The following KCNH3 variants were observed in gnomAD, a reference collection of about 807,000 sequenced individuals.
KCNH3 encodes potassium voltage-gated channel subfamily H member 3.
In KCNH3, 36 loss-of-function variants were observed where a neutral mutation model predicts 95.6. The ratio of observed to expected loss-of-function variants is 0.38; its 90% CI spans 0.29 to 0.50. The LOEUF (loss-of-function observed/expected upper bound fraction) is 0.50, where lower values mean the gene tolerates loss of function less well. Among genes scored for constraint, KCNH3 ranks in the 20% least tolerant of loss-of-function variants. The pLI is 0.95. For missense variants in KCNH3, 1,030 were observed against 1,484.1 expected (o/e 0.69, Z 5.03); for synonymous variants, 620 against 646.3 (o/e 0.96, Z 0.62).
chr12:49,542,985 A>T (rs1937927212), intron 4 of KCNH3, 146 bp downstream of exon 4: 1 of 1,134,904 alleles, frequency 8.8e-7, no homozygotes, highest in African/African-American at 1.6e-5. Context: ...AGGAGGGAAG[A>T]TCACATGCCT....
In KCNH3 at chr12:49,555,872, C is replaced by T. The variant is rs1565782697; in HGVS notation, c.2389C>T (p.Pro797Ser). 2 of 1,609,308 alleles carry T rather than the reference C, an allele frequency of 1.2e-6. No homozygotes were observed. Among genetic ancestry groups the T allele is most frequent in the Non-Finnish European group, 1.7e-6 (2 of 1,177,706 alleles). Residue 797 changes from proline (P) to serine (S), a missense_variant, in exon 12 of 15, where the codon CCC becomes TCC. Around this residue, in one of 9 missense-constraint regions of KCNH3, gnomAD observed 464 missense variants for 493.2 expected, o/e 0.94. Transcript: ENST00000257981. The stretch of plus-strand genomic sequence containing the variant: ...AGGGGCTTTGAAGGCTGAGGCTGGC[C>T]CCTCTGCTCCCCCACGGGCCCTAGA... Reference protein sequence around the residue: ...RAGALKAEAGPSAPPRALEGL... With the variant: ...RAGALKAEAGSSAPPRALEGL...
At chr12:49,549,281 G>A in intron 8 of KCNH3, 108 bp downstream of exon 8, 1 of 1,468,862 alleles carries the variant, frequency 6.8e-7, no homozygotes, top group Non-Finnish European at 9.1e-7. Flanking sequence ...TTCCGCTTTA[G>A]GTGGCCGCGG....
At chr12:49,543,242 CCT>C (rs1937935733) in intron 4 of KCNH3, 31 bp from the exon 5 acceptor site, 3 of 1,603,890 alleles carry the variant, frequency 1.9e-6, no homozygotes, top group Non-Finnish European at 1.7e-6. Context: ...AATATTCTTT[CCT>C]CTCTGCCTGG....
chr12:49,541,024 T>G lies in KCNH3; in HGVS notation c.202T>G (p.Ser68Ala), dbSNP rs1430155476. 2 of 1,614,004 alleles carry G rather than the reference T, an allele frequency of 1.2e-6. No individual in the cohort carries two copies. The highest frequency in any genetic ancestry group is 1.7e-6 in the Non-Finnish European group (2 of 1,180,032). ...GGTCATGCAGCGGGGCTGTGCCTGC[T>G]CCTTCCTTTATGGGCCAGACACCAG... ...AEVMQRGCAC[S>A]FLYGPDTSEL... Residue 68 changes from serine to alanine, a missense_variant, in exon 2 of 15, where the codon TCC (serine) becomes GCC (alanine). Physicochemically the swap from Ser to Ala is moderately conservative, Grantham distance 99 (BLOSUM62 1). Coordinates refer to ENST00000257981, the MANE Select transcript of KCNH3 (RefSeq NM_012284.3).
rs769397375 is a variant in KCNH3, at chr12:49,539,379, C to T, written c.-38C>T. 1.2e-5 allele frequency: 17 copies of T among 1,460,566 alleles called. No homozygotes were observed. The highest frequency in any genetic ancestry group is 7.9e-5 in the Admixed American group (3 of 38,032). 90.5% of individuals were successfully genotyped at this position (1,460,566 alleles called of 1,614,324 possible). A position where few individuals can be genotyped will look rare whatever the true frequency, so the allele number is the denominator to read the frequency against. ...CCTCCCCCGGCGCGGAGTCCCCGCA[C>T]CCCGGAGGGATGGGGCGGGCAGCCG... On this transcript the variant is annotated 5_prime_UTR_variant, in exon 1 of 15. Coordinates refer to ENST00000257981, the MANE Select transcript of KCNH3 (RefSeq NM_012284.3). This position sits in a 1 kb window ranked among gnomAD's most constrained non-coding sequence, Gnocchi z 6.7.
At chr12:49,540,868 C>G in intron 1 of KCNH3, 31 bp from the exon 2 acceptor site, 1 of 1,584,214 alleles carries the variant, frequency 6.3e-7, no homozygotes, top group South Asian at 1.1e-5. Flanking sequence ...CCCTTCACCC[C>G]ACGCCTCCTC....
Position 49,542,845 on chromosome 12 carries a change from C to T in KCNH3, c.579+6C>T, listed in dbSNP as rs1331438717. 6.2e-7 allele frequency: 1 copy of T among 1,606,212 alleles called. No individual in the cohort carries two copies. The highest frequency in any genetic ancestry group is 8.5e-7 in the Non-Finnish European group (1 of 1,177,458). On this transcript the variant is annotated splice_donor_region_variant and intron_variant, in intron 4 of 14. Coordinates refer to ENST00000257981, the MANE Select transcript of KCNH3 (RefSeq NM_012284.3). ...GCAAGCACAAGCTCAATAAGGTGGG[C>T]TCAGCCCTGGGATGTGTGGGAGAGG...
rs763019116 is a variant in KCNH3, at chr12:49,544,380, T to C, written c.1187T>C (p.Ile396Thr). ...AGCAGCGAATCCGAGCTGCCTGAGA[T>C]TGGTACTGGAGGCTCCCTCTGCATG... is the stretch of plus-strand genomic sequence containing the variant. ...IESSESELPE[I>T]GWLQELARRL... The change falls in exon 7 of 15, where the codon ATT (isoleucine) becomes ACT (threonine). Residue 396 changes from isoleucine (I) to threonine (T), a missense_variant and splice_region_variant. Ile to Thr is a moderately conservative substitution (Grantham distance 89). Around this residue, in one of 9 missense-constraint regions of KCNH3, gnomAD observed 153 missense variants for 288.5 expected, o/e 0.53. Transcript: ENST00000257981. 35 of 1,612,688 alleles carry C rather than the reference T, an allele frequency of 2.2e-5. No individual in the cohort carries two copies. The Admixed American group carries it at 5.7e-4, about 26-fold the overall frequency.
At chr12:49,544,732 C>A (rs569633764) in intron 7 of KCNH3, among the ~76,000 whole-genome samples, 1 of 152,200 alleles carries the variant, frequency 6.6e-6, no homozygotes, top group East Asian at 1.9e-4. Context: ...CCCCTCCCCC[C>A]GCATCCTCTC....
Position 49,551,574 on chromosome 12 carries a change from CAAAAAAAAAAAA to C in KCNH3, c.1918+1258_1918+1269del, listed in dbSNP as rs59344956. On this transcript the variant is annotated intron_variant, in intron 10 of 14. Transcript: ENST00000257981. ...CTGGGCGATAAGCGAGACTCTGTCT[CAAAAAAAAAAAA>C]AAAAAAAAAAAAGAAAAGCCACTAA... Among the ~76,000 whole-genome samples the C allele has an allele frequency of 3.3e-4, 19 of 57,552 alleles. No individual in the cohort carries two copies. In the East Asian group the frequency reaches 5.2e-3, roughly 16 times the overall value. The allele number at this position is 57,552 out of a possible 152,430, so 37.8% of individuals were successfully genotyped here.
Position 49,549,646 on chromosome 12 carries a change from G to A in KCNH3, c.1668+6G>A, listed in dbSNP as rs1938190899. 2 of 1,605,516 alleles carry A rather than the reference G, an allele frequency of 1.2e-6. No homozygotes were observed. The highest frequency in any genetic ancestry group is 1.7e-6 in the Non-Finnish European group (2 of 1,179,208). ...ATGGCATCGACACCACCGAGGTGCGGCCTCCGGGGCTGGGCCTGCTAGCCT... is the reference window on the plus strand; with the variant it reads ...ATGGCATCGACACCACCGAGGTGCGACCTCCGGGGCTGGGCCTGCTAGCCT... On this transcript the variant is annotated splice_donor_region_variant and intron_variant, in intron 9 of 14. Transcript: ENST00000257981.
rs771126189 is a variant in KCNH3 at position 49,555,885 on chromosome 12, C to A, written c.2402C>A (p.Pro801Gln). 11 of 1,606,368 alleles carry A rather than the reference C, an allele frequency of 6.8e-6. No individual in the cohort carries two copies. The East Asian group carries it at 1.6e-4, about 23-fold the overall frequency. Residue 801 changes from proline (P) to glutamine (Q), a missense_variant, in exon 12 of 15, where the codon CCA becomes CAA. Coordinates refer to ENST00000257981, the MANE Select transcript of KCNH3 (RefSeq NM_012284.3). ...LKAEAGPSAP[P>Q]RALEGLRLPP... The stretch of plus-strand genomic sequence containing the variant: ...GCTGAGGCTGGCCCCTCTGCTCCCC[C>A]ACGGGCCCTAGAGGGGCTACGGCTG...
At chr12:49,545,573 A>G (rs1938034801) in intron 7 of KCNH3, among the ~76,000 whole-genome samples, 1 of 151,970 alleles carries the variant, frequency 6.6e-6, no homozygotes, top group Non-Finnish European at 1.5e-5. Flanking sequence ...TTGTATTTTT[A>G]GTAGAGACAG....
rs774665211 is a variant in KCNH3 at position 49,554,606 on chromosome 12, G to A, written c.2136+52G>A. 100 of 1,500,348 alleles carry A rather than the reference G, an allele frequency of 6.7e-5. No individual in the cohort carries two copies. In the Middle Eastern group the frequency reaches 1.0e-3, roughly 15 times the overall value. The allele number at this position is 1,500,348 out of a possible 1,614,324, so 92.9% of individuals were successfully genotyped here. On this transcript the variant is annotated intron_variant, in intron 11 of 14. Coordinates refer to ENST00000257981, the MANE Select transcript of KCNH3 (RefSeq NM_012284.3). ...GGGGATGGGGGTGCCAGGGAGCCTG[G>A]TGAAGTGGGCAGAGGCTGGGGATGG...
At chr12:49,541,870 T>G in intron 3 of KCNH3, 106 bp downstream of exon 3, 1 of 1,225,572 alleles carries the variant, frequency 8.2e-7, no homozygotes, top group East Asian at 2.3e-5. Context: ...CTGCATTCAT[T>G]TCACTCCCAC....
chr12:49,553,232 C>G (rs146994149), intron 10 of KCNH3, among the ~76,000 whole-genome samples: 1 of 152,028 alleles, frequency 6.6e-6, no homozygotes, highest in Non-Finnish European at 1.5e-5. Flanking sequence ...ACCTACTGGG[C>G]TCAAGTGATC....
At chr12:49,556,875 G>A in intron 13 of KCNH3, 1 of 621,036 alleles carries the variant, frequency 1.6e-6, no homozygotes. Flanking sequence ...GGCCAGGGAA[G>A]TGGACAAGGT....
chr12:49,553,112 C>T (rs1938318964), intron 10 of KCNH3, among the ~76,000 whole-genome samples: 1 of 151,622 alleles, frequency 6.6e-6, no homozygotes, highest in East Asian at 1.9e-4. Context: ...CTGCCCAAGC[C>T]CGGACTGCGT....
At chr12:49,553,054 TC>T (rs1388187093) in intron 10 of KCNH3, among the ~76,000 whole-genome samples, 5 of 152,136 alleles carry the variant, frequency 3.3e-5, no homozygotes, top group Non-Finnish European at 7.4e-5. Flanking sequence ...TTTCTAACAG[TC>T]TGAACTGCCT....
Sources: allele counts gnomAD v4.1 joint callset (sites outside exome capture counted in the v4.1 genomes callset), GRCh38; gene constraint gnomAD v4.1.1; regional missense constraint gnomAD v4.1.1; non-coding constraint Gnocchi (gnomAD v3.1); transcripts MANE v1.5; gene names NCBI Gene and HGNC (gene_info 2026-07-23, HGNC 2026-07-21).